The following OBI1 variants were observed in gnomAD, a reference collection of about 807,000 sequenced individuals.
The protein encoded by OBI1 is ORC ubiquitin ligase 1.
OBI1 carries 59 observed loss-of-function variants against 62.4 expected under a neutral mutation model. That is an observed-to-expected ratio of 0.95 (90% CI 0.77 to 1.17). The LOEUF (loss-of-function observed/expected upper bound fraction) is 1.17, where lower values mean the gene tolerates loss of function less well. Among genes scored for constraint, OBI1 ranks in the 50% most tolerant of loss-of-function variants. OBI1 has a pLI of 0.00. For missense variants in OBI1, 875 were observed against 830.9 expected (o/e 1.05, Z -0.65); for synonymous variants, 302 against 292.8 (o/e 1.03, Z -0.32).
At chr13:78,629,793 G>A (rs562182954) in intron 5 of OBI1, among the ~76,000 whole-genome samples, 3 of 152,114 alleles carry the variant, frequency 2.0e-5, no homozygotes, top group Non-Finnish European at 4.4e-5. Context: ...CTGAGAACAG[G>A]CCCTTCTGCT....
intron 5 of OBI1, among the ~76,000 whole-genome samples, chr13:78,632,048 C>T (rs916886675): frequency 6.6e-6 from 1 of 152,068 alleles, no homozygotes; most frequent in Admixed American, 6.5e-5. Flanking sequence ...GAAATATGTT[C>T]TGTGATGGAC....
chr13:78,647,706 C>T (rs1271828395), intron 1 of OBI1, among the ~76,000 whole-genome samples: 1 of 152,226 alleles, frequency 6.6e-6, no homozygotes, highest in Non-Finnish European at 1.5e-5. Context: ...TATACTTTGT[C>T]TCTGTGTCTT....
At position 78,644,935 on chromosome 13, in the gene OBI1, C is replaced by A. The variant is rs1488238032; in HGVS notation, c.135G>T (p.Trp45Cys). Reference sequence around the variant, plus strand: ...CTGGACACTGGCTATTATTCTTCAACCACAAATCAATACAAATCGAACAAA... The same window carrying A: ...CTGGACACTGGCTATTATTCTTCAAACACAAATCAATACAAATCGAACAAA... ...HVFCSICIDL[W>C]LKNNSQCPAC... is the part of the protein sequence containing the mutation. Residue 45 changes from tryptophan (W) to cysteine (C), a missense_variant, in exon 2 of 6, where the codon TGG becomes TGT. By Grantham distance (215) the Trp-to-Cys change is radical (BLOSUM62 -2). Coordinates refer to ENST00000282003, the MANE Select transcript of OBI1 (RefSeq NM_024546.4). 1 of 1,613,700 alleles carries A rather than the reference C, an allele frequency of 6.2e-7. No homozygotes were observed. The highest frequency in any genetic ancestry group is 8.5e-7 in the Non-Finnish European group (1 of 1,179,842).
At chr13:78,658,643 C>T (rs548093602) in intron 1 of OBI1, among the ~76,000 whole-genome samples, 40 of 152,264 alleles carry the variant, frequency 2.6e-4, no homozygotes, top group African/African-American at 8.9e-4. Flanking sequence ...CTAAGAAGCC[C>T]GAGGTGAGGC....
rs1395992122 is a variant in OBI1 at position 78,630,037 on chromosome 13, C to G, written c.638+5073G>C. ...CTCCTAACAGCACATGCTGTTTTCTCTCACTCAGAATGCCTTTCTCCTCCC... is the reference window on the plus strand; with the variant it reads ...CTCCTAACAGCACATGCTGTTTTCTGTCACTCAGAATGCCTTTCTCCTCCC... On this transcript the variant is annotated intron_variant, in intron 5 of 5. Coordinates refer to ENST00000282003, the MANE Select transcript of OBI1 (RefSeq NM_024546.4). Among the ~76,000 whole-genome samples, 3 of 152,262 alleles carry G rather than the reference C, an allele frequency of 2.0e-5. No individual in the cohort carries two copies. In the East Asian group the frequency reaches 5.8e-4, roughly 30 times the overall value.
At chr13:78,645,584 T>A (rs905816058) in intron 1 of OBI1, among the ~76,000 whole-genome samples, 2 of 152,194 alleles carry the variant, frequency 1.3e-5, no homozygotes, top group Non-Finnish European at 2.9e-5. Context: ...ATTACTGAGA[T>A]ACACCAAATA....
chr13:78,658,977 G>T, intron 1 of OBI1, 72 bp downstream of exon 1: 2 of 1,404,736 alleles, frequency 1.4e-6, no homozygotes, highest in Non-Finnish European at 2.0e-6. Context: ...GCCCCCGCAC[G>T]AGACGGCCCT....
intron 5 of OBI1, among the ~76,000 whole-genome samples, chr13:78,620,149 A>G (rs1875461230): frequency 6.6e-6 from 1 of 152,206 alleles, no homozygotes; most frequent in African/African-American, 2.4e-5. Flanking sequence ...CAGCTTATCC[A>G]AGATAACTAT....
chr13:78,635,248 C>A, intron 4 of OBI1, 50 bp from the exon 5 acceptor site: 1 of 1,104,888 alleles, frequency 9.1e-7, no homozygotes, highest in African/African-American at 1.6e-5. Flanking sequence ...ATAAAAGTGA[C>A]TTGTAAAAAT....
intron 4 of OBI1, among the ~76,000 whole-genome samples, chr13:78,637,555 A>T (rs1228152920): frequency 6.6e-6 from 1 of 152,250 alleles, no homozygotes; most frequent in Admixed American, 6.5e-5. Flanking sequence ...TACAAAGGAG[A>T]TCATATAGTG....
intron 5 of OBI1, among the ~76,000 whole-genome samples, chr13:78,633,536 T>C (rs1875919735): frequency 6.6e-6 from 1 of 152,184 alleles, no homozygotes; most frequent in African/African-American, 2.4e-5. Context: ...AGTGGTTGGA[T>C]GGGAAGAAAG....
intron 5 of OBI1, among the ~76,000 whole-genome samples, chr13:78,631,488 A>G (rs1459064929): frequency 6.6e-6 from 1 of 152,160 alleles, no homozygotes; most frequent in East Asian, 1.9e-4. Context: ...TCTTCTTCAC[A>G]TATTACTCTT....
rs1415761156 is a variant in OBI1 at position 78,616,792 on chromosome 13, G to T, written c.969C>A (p.Thr323=). Residue 323 remains threonine, a synonymous_variant, in exon 6 of 6, where the codon ACC becomes ACA. Coordinates refer to ENST00000282003, the MANE Select transcript of OBI1 (RefSeq NM_024546.4). ...TGGTACTTTCCTGCCTTGCAGAACTGGTGTCACACAGTCTGCTGCTGGAAG... is the reference window on the plus strand; with the variant it reads ...TGGTACTTTCCTGCCTTGCAGAACTTGTGTCACACAGTCTGCTGCTGGAAG... ...AKPSSSRLCD[T]SSARQESTSK... The T allele has an allele frequency of 6.2e-7, 1 of 1,614,030 alleles. No homozygotes were observed. The highest frequency in any genetic ancestry group is 1.3e-5 in the African/African-American group (1 of 74,916).
At chr13:78,626,943 G>C (rs1422120154) in intron 5 of OBI1, among the ~76,000 whole-genome samples, 1 of 152,166 alleles carries the variant, frequency 6.6e-6, no homozygotes, top group Non-Finnish European at 1.5e-5. Flanking sequence ...GCGGGCGCCT[G>C]TAGTCCCAGC....
At position 78,615,044 on chromosome 13, in the gene OBI1, GA is replaced by G. The variant is rs1186167923; in HGVS notation, c.*535del. On this transcript the variant is annotated 3_prime_UTR_variant, in exon 6 of 6. Transcript: ENST00000282003. ...GCTATTTCTCCATCATGGCCCTGCAGAAAAACTAGGCCATCACTAAACATAA... is the reference window on the plus strand; with the variant it reads ...GCTATTTCTCCATCATGGCCCTGCAGAAAACTAGGCCATCACTAAACATAA... The G allele has an allele frequency of 6.6e-6, 1 of 152,112 alleles. No individual in the cohort carries two copies. Among genetic ancestry groups the G allele is most frequent in the Non-Finnish European group, 1.5e-5 (1 of 68,034 alleles). 9.4% of individuals were successfully genotyped at this position (152,112 alleles called of 1,614,324 possible).
At position 78,616,281 on chromosome 13, in the gene OBI1, C is replaced by T. The variant is rs761268616; in HGVS notation, c.1480G>A (p.Glu494Lys). 2 of 1,613,936 alleles carry T rather than the reference C, an allele frequency of 1.2e-6. No individual in the cohort carries two copies. The highest frequency in any genetic ancestry group is 2.2e-5 in the East Asian group (1 of 44,866). The change falls in exon 6 of 6, where the codon GAA (glutamate) becomes AAA (lysine). Residue 494 changes from glutamate to lysine, a missense_variant. Coordinates refer to ENST00000282003, the MANE Select transcript of OBI1 (RefSeq NM_024546.4). ...EGNTIANSVG[E>K]ISSKLSEKSG... is the part of the protein sequence containing the mutation. ...TTCTCACTCAATTTTGAAGATATTT[C>T]TCCAACAGAATTTGCTATCGTGTTC...
intron 5 of OBI1, 124 bp downstream of exon 5, chr13:78,634,986 G>A: frequency 3.7e-6 from 2 of 539,554 alleles, no homozygotes; most frequent in Non-Finnish European, 6.4e-6. Flanking sequence ...ACTTTTAAAG[G>A]CAAGACATTC....
intron 4 of OBI1, 91 bp downstream of exon 4, chr13:78,638,732 G>T: frequency 8.7e-7 from 1 of 1,145,672 alleles, no homozygotes; most frequent in Non-Finnish European, 1.2e-6. Context: ...CAAATCATCT[G>T]ATGATGAGTC....
intron 2 of OBI1, among the ~76,000 whole-genome samples, 159 bp from the exon 3 acceptor site, chr13:78,642,372 A>C (rs1177440412): frequency 2.0e-5 from 3 of 152,080 alleles, no homozygotes; most frequent in Non-Finnish European, 4.4e-5. Context: ...TCTCTACCCT[A>C]ATCTTGAGGA....
Sources: allele counts gnomAD v4.1 joint callset (sites outside exome capture counted in the v4.1 genomes callset), GRCh38; gene constraint gnomAD v4.1.1; transcripts MANE v1.5; gene names NCBI Gene and HGNC (gene_info 2026-07-23, HGNC 2026-07-21).